The following COA1 variants were observed in gnomAD, a reference collection of about 807,000 sequenced individuals.
COA1 encodes the protein cytochrome c oxidase assembly factor 1.
A neutral mutation model predicts 16.0 loss-of-function variants in COA1; 13 were observed. The ratio of observed to expected loss-of-function variants is 0.81; its 90% CI spans 0.53 to 1.29. COA1 has a LOEUF of 1.29. COA1 is among the 50% of genes most tolerant of loss of function. The pLI is 0.00. For synonymous variants in COA1, 65 were observed against 65.7 expected (o/e 0.99, Z 0.05); for missense variants, 179 against 177.0 (o/e 1.01, Z -0.06).
At chr7:43,614,774 C>T (rs2083196868) in intron 6 of COA1, among the ~76,000 whole-genome samples, 1 of 152,206 alleles carries the variant, frequency 6.6e-6, no homozygotes, top group South Asian at 2.1e-4. Context: ...ATGCATGTAA[C>T]AGGGCCTAGA....
At chr7:43,646,750 C>A (rs2089424062) in intron 3 of COA1, 1 of 388,426 alleles carries the variant, frequency 2.6e-6, no homozygotes, top group Non-Finnish European at 5.3e-6. Context: ...GACTCTGCAA[C>A]TCCACCAACT....
At chr7:43,707,269 A>C (rs1181562916) in intron 1 of COA1, among the ~76,000 whole-genome samples, 1 of 152,252 alleles carries the variant, frequency 6.6e-6, no homozygotes, top group African/African-American at 2.4e-5. Flanking sequence ...GAAACAAATT[A>C]ATGGGCAAAA....
intron 6 of COA1, among the ~76,000 whole-genome samples, chr7:43,627,307 T>C (rs1387582129): frequency 1.3e-5 from 2 of 152,254 alleles, no homozygotes; most frequent in Non-Finnish European, 2.9e-5. Flanking sequence ...CAGATGCTCA[T>C]TGTTGAATCT....
intron 1 of COA1, among the ~76,000 whole-genome samples, chr7:43,709,597 ATTAC>A (rs1290305192): frequency 6.6e-6 from 1 of 152,122 alleles, no homozygotes; most frequent in African/African-American, 2.4e-5. Flanking sequence ...CTATTTCTGT[ATTAC>A]TTATTCTGTC....
At chr7:43,699,241 G>A (rs2094625341) in intron 1 of COA1, among the ~76,000 whole-genome samples, 1 of 152,044 alleles carries the variant, frequency 6.6e-6, no homozygotes, top group Non-Finnish European at 1.5e-5. Flanking sequence ...ATACCCCTCA[G>A]TTAGTGAATT....
At chr7:43,615,157 A>G (rs187029179) in intron 6 of COA1, among the ~76,000 whole-genome samples, 1 of 152,172 alleles carries the variant, frequency 6.6e-6, no homozygotes. Context: ...TGTGGTTACT[A>G]TAGTTTTTGT....
intron 1 of COA1, among the ~76,000 whole-genome samples, chr7:43,712,985 G>A (rs1272143531): frequency 2.6e-5 from 4 of 151,946 alleles, no homozygotes; most frequent in Middle Eastern, 3.4e-3. Context: ...ACAGAGTCTC[G>A]TTCTGTCACC....
intron 1 of COA1, among the ~76,000 whole-genome samples, chr7:43,728,433 T>C (rs990872169): frequency 6.6e-6 from 1 of 152,238 alleles, no homozygotes; most frequent in Non-Finnish European, 1.5e-5. Context: ...TTTGGCTAAA[T>C]GCTAGAACAA....
intron 1 of COA1, chr7:43,657,152 T>C (rs2091851629): frequency 6.6e-6 from 1 of 152,266 alleles, no homozygotes; most frequent in South Asian, 2.1e-4. Context: ...TGTGGCGATA[T>C]ATGTGTAAAC....
intron 1 of COA1, among the ~76,000 whole-genome samples, chr7:43,702,913 T>TTA (rs1298463543): frequency 1.3e-5 from 2 of 152,310 alleles, no homozygotes; most frequent in African/African-American, 4.8e-5. Flanking sequence ...TGCTCTTGTT[T>TTA]TTCTAGAGTT....
At chr7:43,686,272 ACTGTGTTCTGG>A (rs2094015528) in intron 1 of COA1, among the ~76,000 whole-genome samples, 4 of 146,156 alleles carry the variant, frequency 2.7e-5, no homozygotes, top group African/African-American at 1.0e-4. Flanking sequence ...TTCTGGAGGT[ACTGTGTTCTGG>A]CTATGTGTTC....
chr7:43,716,650 A>T (rs1258513061), intron 1 of COA1, among the ~76,000 whole-genome samples: 1 of 152,234 alleles, frequency 6.6e-6, no homozygotes, highest in Non-Finnish European at 1.5e-5. Flanking sequence ...GAGAAATTCA[A>T]GCTGGCTGCA....
chr7:43,609,766 C>T (rs1351333222), intron 6 of COA1: 1 of 152,224 alleles, frequency 6.6e-6, no homozygotes, highest in East Asian at 1.9e-4. Flanking sequence ...AGGATGGTAA[C>T]CTGAGAAGGC....
At chr7:43,700,591 CGTGT>C (rs58589217) in intron 1 of COA1, among the ~76,000 whole-genome samples, 76 of 144,960 alleles carry the variant, frequency 5.2e-4, no homozygotes, top group South Asian at 4.2e-3. Context: ...TGTATATATA[CGTGT>C]GTGTGTGTGT....
chr7:43,671,082 AAAT>A (rs1305466441), intron 1 of COA1, among the ~76,000 whole-genome samples: 1 of 152,220 alleles, frequency 6.6e-6, no homozygotes, highest in Non-Finnish European at 1.5e-5. Context: ...TCCACATGCA[AAAT>A]AATAAATGAA....
At chr7:43,621,335 ACAG>A (rs1426410752) in intron 6 of COA1, among the ~76,000 whole-genome samples, 1 of 152,222 alleles carries the variant, frequency 6.6e-6, no homozygotes, top group East Asian at 1.9e-4. Context: ...TTTAGGGAAA[ACAG>A]CAACCCAAGT....
intron 1 of COA1, among the ~76,000 whole-genome samples, chr7:43,674,396 T>C (rs1028379704): frequency 2.6e-5 from 4 of 152,240 alleles, no homozygotes; most frequent in African/African-American, 7.2e-5. Context: ...GTGTGTTACT[T>C]GTCTCATGTT....
chr7:43,653,252 C>T (rs1045599118), intron 1 of COA1, among the ~76,000 whole-genome samples: 14 of 151,738 alleles, frequency 9.2e-5, no homozygotes, highest in African/African-American at 3.4e-4. Context: ...GTGGAGCTTG[C>T]GGTGAGCCGA....
At chr7:43,635,271 C>G (rs1415248067), downstream of COA1, among the ~76,000 whole-genome samples, 1 of 152,090 alleles carries the variant, frequency 6.6e-6, no homozygotes, top group African/African-American at 2.4e-5. Context: ...TAAAATAATT[C>G]CAGGATTTCC....
Sources: allele counts gnomAD v4.1 joint callset (sites outside exome capture counted in the v4.1 genomes callset), GRCh38; gene constraint gnomAD v4.1.1; transcripts MANE v1.5; gene names NCBI Gene and HGNC (gene_info 2026-07-23, HGNC 2026-07-21).